MECOM: variants seen among roughly 807,000 people sequenced by gnomAD.
MECOM encodes the protein histone-lysine N-methyltransferase MECOM.
In MECOM, 13 loss-of-function variants were observed where a neutral mutation model predicts 116.3. The observed-to-expected ratio is 0.11, with a 90% CI of 0.07 to 0.18. MECOM has a LOEUF of 0.18. MECOM is among the 10% of genes least tolerant of loss of function. The pLI is 1.00. For synonymous variants in MECOM, 528 were observed against 535.2 expected, an observed-to-expected ratio of 0.99 and a Z score of 0.19; for missense variants, 1,299 against 1,509.0, an observed-to-expected ratio of 0.86 and a Z score of 2.31.
chr3:169,356,813 G>A (rs891553896), intron 2 of MECOM, among the ~76,000 whole-genome samples: 10 of 151,852 alleles, frequency 6.6e-5, no homozygotes, highest in Non-Finnish European at 1.2e-4. Context: ...GAATACCTCT[G>A]CTTCTTTTGA....
intron 2 of MECOM, among the ~76,000 whole-genome samples, chr3:169,295,585 A>G (rs1350426240): frequency 6.6e-6 from 1 of 152,254 alleles, no homozygotes; most frequent in African/African-American, 2.4e-5. Context: ...CCTTTAAAAC[A>G]ACATTGCAAG....
intron 16 of MECOM, chr3:169,086,701 A>T (rs556065261): frequency 1.8e-6 from 1 of 570,006 alleles, no homozygotes; most frequent in African/African-American, 1.9e-5. Context: ...TTACCATGAA[A>T]TTAATTTTTA....
chr3:169,641,907 A>G (rs975875216), intron 1 of MECOM, among the ~76,000 whole-genome samples: 1 of 152,258 alleles, frequency 6.6e-6, no homozygotes, highest in Non-Finnish European at 1.5e-5. Flanking sequence ...AAGAAGGTCC[A>G]TATGACAGCT....
At chr3:169,186,514 A>G (rs372772973) in intron 2 of MECOM, among the ~76,000 whole-genome samples, 1 of 152,090 alleles carries the variant, frequency 6.6e-6, no homozygotes, top group South Asian at 2.1e-4. Flanking sequence ...CCAAAATATC[A>G]TATTAAATTT....
intron 1 of MECOM, among the ~76,000 whole-genome samples, chr3:169,570,765 A>G (rs1276493527): frequency 3.3e-5 from 5 of 152,210 alleles, no homozygotes; most frequent in African/African-American, 1.2e-4. Flanking sequence ...CAGATGCATA[A>G]AAGGCCTTTG....
At chr3:169,631,827 T>C (rs183486872) in intron 1 of MECOM, among the ~76,000 whole-genome samples, 188 of 152,178 alleles carry the variant, frequency 1.2e-3, no homozygotes, top group African/African-American at 4.3e-3. Flanking sequence ...TTCAAGGCTG[T>C]TGAGTACTCA....
At chr3:169,401,301 A>C (rs1366942407) in intron 1 of MECOM, among the ~76,000 whole-genome samples, 2 of 152,140 alleles carry the variant, frequency 1.3e-5, no homozygotes, top group African/African-American at 2.4e-5. Context: ...CTGCTGTCAT[A>C]CCTGAAATTC....
intron 2 of MECOM, among the ~76,000 whole-genome samples, chr3:169,339,162 CT>C (rs1391087123): frequency 1.3e-5 from 2 of 152,198 alleles, no homozygotes; most frequent in African/African-American, 2.4e-5. Flanking sequence ...TTCCCCTCCC[CT>C]GTTTTATTAT....
intron 2 of MECOM, among the ~76,000 whole-genome samples, chr3:169,308,241 A>G (rs1718071433): frequency 6.6e-6 from 1 of 152,240 alleles, no homozygotes; most frequent in Non-Finnish European, 1.5e-5. Flanking sequence ...CTGGTACACC[A>G]AGTTACTTAG....
intron 1 of MECOM, among the ~76,000 whole-genome samples, chr3:169,413,249 G>A (rs1737881510): frequency 6.6e-6 from 1 of 152,214 alleles, no homozygotes; most frequent in African/African-American, 2.4e-5. Context: ...CAAAGCGCAA[G>A]GGGTTGGGGA....
chr3:169,563,537 G>A (rs189926499), intron 1 of MECOM, among the ~76,000 whole-genome samples: 1 of 152,238 alleles, frequency 6.6e-6, no homozygotes, highest in Admixed American at 6.5e-5. Context: ...TGGCCATCTA[G>A]TCTGCATCTG....
chr3:169,239,635 T>C (rs1001097837), intron 2 of MECOM, among the ~76,000 whole-genome samples: 8 of 152,058 alleles, frequency 5.3e-5, no homozygotes, highest in Non-Finnish European at 1.5e-5. Context: ...GGTGTCCTAA[T>C]AAATAAACTA....
intron 1 of MECOM, among the ~76,000 whole-genome samples, chr3:169,545,197 TG>T (rs1165883886): frequency 1.3e-5 from 2 of 152,190 alleles, no homozygotes; most frequent in Non-Finnish European, 1.5e-5. Context: ...CTGTTTTGTT[TG>T]TTTTGTTTTT....
chr3:169,591,826 T>C (rs1209811492), intron 1 of MECOM, among the ~76,000 whole-genome samples: 1 of 152,184 alleles, frequency 6.6e-6, no homozygotes, highest in African/African-American at 2.4e-5. Flanking sequence ...AATTCTTTCC[T>C]AAAAGGAAAA....
chr3:169,607,732 A>G (rs1350474902), intron 1 of MECOM, among the ~76,000 whole-genome samples: 1 of 152,252 alleles, frequency 6.6e-6, no homozygotes, highest in African/African-American at 2.4e-5. Context: ...GAATCCTGCT[A>G]TAATCTTAAA....
At chr3:169,359,134 C>T (rs1007231085) in intron 2 of MECOM, among the ~76,000 whole-genome samples, 1 of 151,740 alleles carries the variant, frequency 6.6e-6, no homozygotes, top group African/African-American at 2.4e-5. Context: ...TTTTAAGTGT[C>T]ACCTTACCTG....
chr3:169,314,881 T>C (rs12491524), intron 2 of MECOM, among the ~76,000 whole-genome samples: 54,411 of 152,032 alleles, frequency 0.36, 10,046 homozygotes, highest in Admixed American at 0.49. Flanking sequence ...ATATTTATAG[T>C]TATCCCTTAT....
intron 2 of MECOM, among the ~76,000 whole-genome samples, chr3:169,166,721 C>T (rs55911836): frequency 0.07 from 10,721 of 152,212 alleles, 483 homozygotes; most frequent in South Asian, 0.19. Context: ...CAAACATTTG[C>T]ATGCACTAAA....
At chr3:169,200,349 C>T (rs1044315128) in intron 2 of MECOM, among the ~76,000 whole-genome samples, 6 of 152,146 alleles carry the variant, frequency 3.9e-5, no homozygotes, top group Non-Finnish European at 7.4e-5. Context: ...CTTTTCGTCT[C>T]TACATTCATG....
Sources: allele counts gnomAD v4.1 joint callset (sites outside exome capture counted in the v4.1 genomes callset), GRCh38; gene constraint gnomAD v4.1.1; transcripts MANE v1.5; gene names NCBI Gene and HGNC (gene_info 2026-07-23, HGNC 2026-07-21).